ZNF708: variants seen among roughly 807,000 people sequenced by gnomAD.
ZNF708 encodes the protein ZNF15, ZNF15L1.
In ZNF708, 44 loss-of-function variants were observed where a neutral mutation model predicts 47.0. That is an observed-to-expected ratio of 0.94 (90% CI 0.74 to 1.20). ZNF708 has a LOEUF of 1.20. Among genes scored for constraint, ZNF708 ranks in the 50% most tolerant of loss-of-function variants. ZNF708 has a pLI of 0.00. For missense variants in ZNF708, 557 were observed against 656.0 expected (o/e 0.85, Z 1.65); for synonymous variants, 184 against 218.5 (o/e 0.84, Z 1.39).
intron 2 of ZNF708, 107 bp from the exon 3 acceptor site, chr19:21,309,448 T>C: frequency 2.7e-6 from 3 of 1,102,316 alleles, no homozygotes; most frequent in Non-Finnish European, 3.7e-6. Flanking sequence ...TGGCTCATCC[T>C]GGTAATCCCA....
chr19:21,295,966 G>A (rs1370471847), intron 3 of ZNF708, among the ~76,000 whole-genome samples: 2 of 151,878 alleles, frequency 1.3e-5, no homozygotes, highest in Non-Finnish European at 2.9e-5. Flanking sequence ...CTGAAGTTCA[G>A]AAAAATGAGG....
intron 1 of ZNF708, among the ~76,000 whole-genome samples, chr19:21,320,610 T>G (rs1032607728): frequency 4.6e-5 from 7 of 151,720 alleles, no homozygotes; most frequent in Non-Finnish European, 8.8e-5. Context: ...GGAGGACTGC[T>G]CAAGCCCAGG....
intron 1 of ZNF708, among the ~76,000 whole-genome samples, chr19:21,320,044 C>T (rs376695916): frequency 1.2e-3 from 180 of 152,150 alleles, no homozygotes; most frequent in South Asian, 0.012. Flanking sequence ...GGTGTGGTAG[C>T]GGGCACCTGT....
At chr19:21,317,749 C>T (rs1308013053) in intron 1 of ZNF708, among the ~76,000 whole-genome samples, 1 of 152,226 alleles carries the variant, frequency 6.6e-6, no homozygotes. Flanking sequence ...AGCACCATGT[C>T]ATACAGAGCT....
intron 1 of ZNF708, among the ~76,000 whole-genome samples, chr19:21,324,063 C>T (rs1171211594): frequency 2.1e-5 from 3 of 142,260 alleles, no homozygotes; most frequent in South Asian, 2.3e-4. Context: ...CATGGTGAAA[C>T]GTTGTCTCTA....
At position 21,316,423 on chromosome 19, in the gene ZNF708, G is replaced by A. The variant is rs189045311; in HGVS notation, c.4-5796C>T. Reference sequence around the variant, plus strand: ...TTACAGGAGTAAGCCAGTGGGCCCGGCAAAGTTTTCATTTTTTCCAAGCCT... The same window carrying A: ...TTACAGGAGTAAGCCAGTGGGCCCGACAAAGTTTTCATTTTTTCCAAGCCT... On this transcript the variant is annotated intron_variant, in intron 1 of 3. Transcript: ENST00000356929. 3.3e-5 allele frequency among the ~76,000 whole-genome samples: 5 copies of A among 152,174 alleles called. No individual in the cohort carries two copies. The South Asian group carries it at 8.3e-4, about 25-fold the overall frequency.
chr19:21,305,448 T>C (rs1972740921), intron 3 of ZNF708, among the ~76,000 whole-genome samples: 1 of 145,686 alleles, frequency 6.9e-6, no homozygotes, highest in Non-Finnish European at 1.5e-5. Flanking sequence ...ATATAGTTTA[T>C]TTTTTTATTT....
At chr19:21,305,972 A>T (rs372393788) in intron 3 of ZNF708, among the ~76,000 whole-genome samples, 24 of 152,340 alleles carry the variant, frequency 1.6e-4, no homozygotes, top group African/African-American at 5.8e-4. Flanking sequence ...TGCCATGAGC[A>T]TACAATAAAG....
Position 21,293,604 on chromosome 19 carries a change from G to A in ZNF708, c.1362C>T (p.Gly454=). The A allele has an allele frequency of 6.2e-7, 1 of 1,612,614 alleles. No individual in the cohort carries two copies. The highest frequency in any genetic ancestry group is 1.1e-5 in the South Asian group (1 of 90,982). ...AATTTGAGGAGTAGTTAAAAGTTTTGCCACATTCTTCACATTTGTAGGGTT... is the reference window on the plus strand; with the variant it reads ...AATTTGAGGAGTAGTTAAAAGTTTTACCACATTCTTCACATTTGTAGGGTT... ...EDKPYKCEEC[G]KTFNYSSNFT... is the part of the protein sequence containing the mutation. The change falls in exon 4 of 4, where the codon GGC becomes GGT. Residue 454 remains glycine (G), a synonymous_variant. Coordinates refer to ENST00000356929, the MANE Select transcript of ZNF708 (RefSeq NM_021269.3).
intron 1 of ZNF708, among the ~76,000 whole-genome samples, chr19:21,321,692 A>G (rs990212463): frequency 5.6e-5 from 6 of 106,602 alleles, no homozygotes; most frequent in Admixed American, 3.5e-4. Context: ...AGAAGGAAAC[A>G]AAGAAAGAAA....
At position 21,300,140 on chromosome 19, in the gene ZNF708, C is replaced by T. The variant is rs1396575995; in HGVS notation, c.227-5401G>A. 2.0e-5 allele frequency among the ~76,000 whole-genome samples: 3 copies of T among 151,324 alleles called. No individual in the cohort carries two copies. In the East Asian group the frequency reaches 5.9e-4, roughly 30 times the overall value. On this transcript the variant is annotated intron_variant, in intron 3 of 3. Coordinates refer to ENST00000356929, the MANE Select transcript of ZNF708 (RefSeq NM_021269.3). ...CCAACATGGAGAAACCCCATCTCTA[C>T]TAAAAATACAAAATTAGCCAGGCGT...
rs774890894 is a variant in ZNF708 at position 21,291,710 on chromosome 19, C to G, written c.*1564G>C. 3.9e-5 allele frequency: 6 copies of G among 152,000 alleles called. No individual in the cohort carries two copies. Among genetic ancestry groups the G allele is most frequent in the Admixed American group, 1.3e-4 (2 of 15,248 alleles). The allele number at this position is 152,000 out of a possible 1,614,324, so 9.4% of individuals were successfully genotyped here. Reference sequence around the variant, plus strand: ...TGAAACCCCGTCCCTACTAAAAATACAAAAGTCAGCCGGACGTGGTGGTGT... The same window carrying G: ...TGAAACCCCGTCCCTACTAAAAATAGAAAAGTCAGCCGGACGTGGTGGTGT... On this transcript the variant is annotated 3_prime_UTR_variant, in exon 4 of 4. Transcript: ENST00000356929.
At position 21,294,131 on chromosome 19, in the gene ZNF708, G is replaced by T. The variant is rs756487661; in HGVS notation, c.835C>A (p.Pro279Thr). 7 of 1,612,264 alleles carry T rather than the reference G, an allele frequency of 4.3e-6. No homozygotes were observed. Among genetic ancestry groups the T allele is most frequent in the Admixed American group, 3.3e-5 (2 of 59,838 alleles). The part of the protein sequence containing the change: ...KHKIVHTGEK[P>T]YKCEECGKAF... The stretch of plus-strand genomic sequence containing the variant: ...TTGCCACATTCTTCACATTTGTAGG[G>T]TTTCTCTCCAGTATGAACTATCTTA... The change falls in exon 4 of 4, where the codon CCC becomes ACC. Residue 279 changes from proline (P) to threonine (T), a missense_variant. Coordinates refer to ENST00000356929, the MANE Select transcript of ZNF708 (RefSeq NM_021269.3).
chr19:21,317,898 C>T (rs995591273), intron 1 of ZNF708, among the ~76,000 whole-genome samples: 7 of 152,208 alleles, frequency 4.6e-5, no homozygotes, highest in African/African-American at 1.2e-4. Context: ...TGAAGGTAGA[C>T]TCTCAGTCTC....
chr19:21,301,350 C>G (rs1374760617), intron 3 of ZNF708, among the ~76,000 whole-genome samples: 2 of 151,984 alleles, frequency 1.3e-5, no homozygotes, highest in African/African-American at 4.8e-5. Flanking sequence ...TGCGGTGGCT[C>G]ATGCCTGTAA....
At chr19:21,305,528 G>A (rs866859113) in intron 3 of ZNF708, among the ~76,000 whole-genome samples, 5 of 150,552 alleles carry the variant, frequency 3.3e-5, no homozygotes, top group East Asian at 2.0e-4. Context: ...GCCTGATCTC[G>A]GCTCACTGCA....
intron 1 of ZNF708, among the ~76,000 whole-genome samples, chr19:21,311,526 T>G (rs1972898733): frequency 6.6e-6 from 1 of 152,100 alleles, no homozygotes; most frequent in South Asian, 2.1e-4. Context: ...AATTTAACCA[T>G]AAAGAAAACA....
intron 3 of ZNF708, among the ~76,000 whole-genome samples, chr19:21,305,673 G>C (rs532497046): frequency 5.5e-4 from 84 of 151,990 alleles, no homozygotes; most frequent in African/African-American, 2.0e-3. Flanking sequence ...ATGTTCTCCA[G>C]GATGGTCTCT....
intron 1 of ZNF708, chr19:21,318,542 A>C (rs1048151102): frequency 5.9e-5 from 9 of 152,210 alleles, no homozygotes; most frequent in Non-Finnish European, 8.8e-5. Context: ...TTTCTCTTAA[A>C]ATACCCCTAA....
Sources: gnomAD v4.1 joint callset for allele counts (sites outside exome capture counted in the v4.1 genomes callset) on GRCh38, gnomAD v4.1.1 for gene constraint, MANE v1.5 for transcripts, NCBI Gene and HGNC (gene_info 2026-07-23, HGNC 2026-07-21) for gene names.